The following TBC1D8 variants were observed in gnomAD, a reference collection of about 807,000 sequenced individuals.
TBC1D8 encodes the protein BUB2-like protein 1.
In TBC1D8, 65 loss-of-function variants were observed where a neutral mutation model predicts 118.8. The ratio of observed to expected loss-of-function variants is 0.55; its 90% CI spans 0.45 to 0.67. The LOEUF is 0.67. Among genes scored for constraint, TBC1D8 ranks in the 30% least tolerant of loss-of-function variants. The probability of loss-of-function intolerance (pLI) is 0.00; values close to 1 mark genes in which losing one functional copy is unlikely to be tolerated. For synonymous variants in TBC1D8, 566 were observed against 595.8 expected (o/e 0.95, Z 0.73); for missense variants, 1,376 against 1,471.2 (o/e 0.94, Z 1.06).
intron 2 of TBC1D8, among the ~76,000 whole-genome samples, chr2:101,067,964 C>A (rs1049933002): frequency 3.3e-5 from 5 of 152,170 alleles, no homozygotes; most frequent in Non-Finnish European, 7.3e-5. Context: ...AGCCTCTTCA[C>A]CAGGAGTAGA....
chr2:101,097,593 C>A (rs1676551806), intron 1 of TBC1D8, among the ~76,000 whole-genome samples: 1 of 151,928 alleles, frequency 6.6e-6, no homozygotes, highest in South Asian at 2.1e-4. Context: ...AGACTGGGCC[C>A]AGTGGCACAA....
intron 1 of TBC1D8, among the ~76,000 whole-genome samples, chr2:101,140,964 G>A (rs1270392192): frequency 1.3e-5 from 2 of 151,892 alleles, no homozygotes; most frequent in South Asian, 2.1e-4. Context: ...GTTTCACCAC[G>A]TTGGCCAGGC....
intron 1 of TBC1D8, among the ~76,000 whole-genome samples, chr2:101,145,047 T>C (rs1348411741): frequency 6.6e-6 from 1 of 152,232 alleles, no homozygotes; most frequent in Non-Finnish European, 1.5e-5. Flanking sequence ...ATGAATTCTT[T>C]ACAAGCTACC....
At chr2:101,118,545 A>T (rs1282926213) in intron 1 of TBC1D8, among the ~76,000 whole-genome samples, 1 of 151,836 alleles carries the variant, frequency 6.6e-6, no homozygotes, top group Non-Finnish European at 1.5e-5. Flanking sequence ...AAATACAAAA[A>T]AATTAGCCAG....
At chr2:101,036,922 T>C (rs1393729537) in intron 8 of TBC1D8, among the ~76,000 whole-genome samples, 3 of 152,210 alleles carry the variant, frequency 2.0e-5, no homozygotes, top group South Asian at 2.1e-4. Flanking sequence ...AAACCAACAA[T>C]AGATTTTACA....
chr2:101,079,267 T>C (rs1165685286), intron 2 of TBC1D8, among the ~76,000 whole-genome samples: 3 of 152,222 alleles, frequency 2.0e-5, no homozygotes, highest in Non-Finnish European at 2.9e-5. Flanking sequence ...CCAGACGGTT[T>C]CCTTGTTAAT....
chr2:101,151,378 G>T lies in TBC1D8; in HGVS notation c.-125C>A. 5 of 945,424 alleles carry T rather than the reference G, an allele frequency of 5.3e-6. No homozygotes were observed. The highest frequency in any genetic ancestry group is 6.5e-6 in the Non-Finnish European group (5 of 764,542). 58.6% of individuals were successfully genotyped at this position (945,424 alleles called of 1,614,324 possible). On this transcript the variant is annotated 5_prime_UTR_variant, in exon 1 of 20. Transcript: ENST00000409318. ...GACCACAGCCCGGCCGGTGCCCAGC[G>T]CTCTGAGAGCCCGCGGAGCGCAGCA... is the stretch of plus-strand genomic sequence containing the variant.
chr2:101,137,439 A>G (rs941276046), intron 1 of TBC1D8, among the ~76,000 whole-genome samples: 2 of 152,044 alleles, frequency 1.3e-5, no homozygotes, highest in African/African-American at 4.8e-5. Context: ...CAGCCTCTCG[A>G]GTAGCTGGGA....
chr2:101,104,371 G>C (rs138165439), intron 1 of TBC1D8, among the ~76,000 whole-genome samples: 3 of 152,310 alleles, frequency 2.0e-5, no homozygotes, highest in African/African-American at 7.2e-5. Flanking sequence ...TTCTAAAGTT[G>C]ATATAAAAAT....
chr2:101,095,402 C>CT (rs1160257488), intron 1 of TBC1D8, among the ~76,000 whole-genome samples: 2 of 134,652 alleles, frequency 1.5e-5, no homozygotes, highest in Non-Finnish European at 3.2e-5. Context: ...CTCCCCCCCC[C>CT]TCCCCCCACC....
chr2:101,143,319 C>A (rs1030852828), intron 1 of TBC1D8, among the ~76,000 whole-genome samples: 1 of 151,974 alleles, frequency 6.6e-6, no homozygotes, highest in Non-Finnish European at 1.5e-5. Flanking sequence ...CCTCGGCCTC[C>A]GAAAGTGCTG....
Position 101,011,009 on chromosome 2 carries a change from GATAATCAACTGC to G in TBC1D8, c.2923_2934del (p.Ala975_Tyr978del). 3 of 1,612,448 alleles carry G rather than the reference GATAATCAACTGC, an allele frequency of 1.9e-6. No homozygotes were observed. Among genetic ancestry groups the G allele is most frequent in the Middle Eastern group, 1.6e-4 (1 of 6,062 alleles). On this transcript the variant is annotated inframe_deletion, in exon 19 of 20. Coordinates refer to ENST00000409318, the MANE Select transcript of TBC1D8 (RefSeq NM_001330348.2). ...TTAATCATCTGCTTCAGCTGTTTCT[GATAATCAACTGC>G]ATCACCTTGAAACAAAGGAAAACAA...
rs781203035 is a variant in TBC1D8, at chr2:101,036,080, C to T, written c.1541G>A (p.Arg514Gln). ...TVCMFRTEKIRKLVAMGIPES... is the reference protein window; with the variant it reads ...TVCMFRTEKIQKLVAMGIPES... ...AGGGATGCCCATGGCTACGAGCTTCCGAATCTTCTCTGTGCGAAACATACA... is the reference window on the plus strand; with the variant it reads ...AGGGATGCCCATGGCTACGAGCTTCTGAATCTTCTCTGTGCGAAACATACA... The change falls in exon 9 of 20, where the codon CGG (arginine) becomes CAG (glutamine). Residue 514 changes from arginine (R) to glutamine (Q), a missense_variant. Physicochemically the swap from Arg to Gln is conservative, Grantham distance 43. Transcript: ENST00000409318. 1.1e-5 allele frequency: 17 copies of T among 1,613,868 alleles called. No individual in the cohort carries two copies. The highest frequency in any genetic ancestry group is 3.3e-5 in the Admixed American group (2 of 59,998).
At chr2:101,011,151 T>C in intron 18 of TBC1D8, 125 bp from the exon 19 acceptor site, 1 of 945,104 alleles carries the variant, frequency 1.1e-6, no homozygotes, top group Non-Finnish European at 1.6e-6. Flanking sequence ...CATACAAAAC[T>C]GGAAAGCAAG....
chr2:101,151,237 T>G lies in TBC1D8; in HGVS notation c.17A>C (p.Glu6Ala). 1 of 1,221,868 alleles carries G rather than the reference T, an allele frequency of 8.2e-7. No homozygotes were observed. The allele number at this position is 1,221,868 out of a possible 1,614,324, so 75.7% of individuals were successfully genotyped here. The part of the protein sequence containing the change: MWLKP[E>A]EVLLKNALKL... ...CAGCGCGTTCTTCAGCAGCACCTCCTCGGGCTTGAGCCACATCGCGGCGGT... is the reference window on the plus strand; with the variant it reads ...CAGCGCGTTCTTCAGCAGCACCTCCGCGGGCTTGAGCCACATCGCGGCGGT... Residue 6 changes from glutamate (E) to alanine (A), a missense_variant, in exon 1 of 20, where the codon GAG becomes GCG. Transcript: ENST00000409318.
chr2:101,058,357 C>T (rs963621326), intron 3 of TBC1D8, among the ~76,000 whole-genome samples: 1 of 152,202 alleles, frequency 6.6e-6, no homozygotes, highest in African/African-American at 2.4e-5. Context: ...AAAGCCATAG[C>T]ACTTGACGTA....
At chr2:101,048,072 C>T (rs1335526862) in intron 5 of TBC1D8, among the ~76,000 whole-genome samples, 1 of 152,196 alleles carries the variant, frequency 6.6e-6, no homozygotes, top group African/African-American at 2.4e-5. Context: ...ACTCCTGCAA[C>T]TACACGGTTG....
chr2:101,096,436 A>AAC (rs1553417978), intron 1 of TBC1D8, among the ~76,000 whole-genome samples: 11 of 150,418 alleles, frequency 7.3e-5, no homozygotes, highest in Non-Finnish European at 1.6e-4. Context: ...AAAAAAAAAA[A>AAC]AAAAAAAAAA....
At chr2:101,082,665 T>C (rs80100952) in intron 2 of TBC1D8, among the ~76,000 whole-genome samples, 2,556 of 152,234 alleles carry the variant, frequency 0.017, 55 homozygotes, top group African/African-American at 0.052. Flanking sequence ...CTGTAATAAG[T>C]GGTCACCAAA....
Sources: gnomAD v4.1 joint callset for allele counts (sites outside exome capture counted in the v4.1 genomes callset) on GRCh38, gnomAD v4.1.1 for gene constraint, MANE v1.5 for transcripts, NCBI Gene and HGNC (gene_info 2026-07-23, HGNC 2026-07-21) for gene names.